Variants in GON7 observed in about 807,000 individuals in gnomAD.
GON7 encodes EKC/KEOPS complex subunit GON7.
In GON7, 2 loss-of-function variants were observed where a neutral mutation model predicts 7.6. That is an observed-to-expected ratio of 0.26 (90% CI 0.11 to 0.83). The LOEUF (loss-of-function observed/expected upper bound fraction) is 0.83. GON7 is among the 40% of genes least tolerant of loss of function. GON7 has a pLI of 0.65. For missense variants in GON7, 121 were observed against 132.2 expected (o/e 0.92, Z 0.42); for synonymous variants, 54 against 56.6 (o/e 0.95, Z 0.20).
In GON7 at chr14:93,203,350, C is replaced by G. The variant is rs1416974377; in HGVS notation, c.*338G>C. ...TGACATGTACTCTTTATAACAGAAC[C>G]AGAAGTTAAAAGATGTAGACATCAC... On this transcript the variant is annotated 3_prime_UTR_variant, in exon 2 of 2. Transcript: ENST00000306954. 4.4e-6 allele frequency: 1 copy of G among 227,076 alleles called. No individual in the cohort carries two copies. The highest frequency in any genetic ancestry group is 2.3e-5 in the African/African-American group (1 of 44,332). The allele number at this position is 227,076 out of a possible 1,614,324, so 14.1% of individuals were successfully genotyped here.
chr14:93,205,936 T>C (rs1476088092), intron 1 of GON7, among the ~76,000 whole-genome samples: 1 of 152,216 alleles, frequency 6.6e-6, no homozygotes, highest in Non-Finnish European at 1.5e-5. Context: ...AAAAGTCTTA[T>C]CCTTTCTGAA....
At chr14:93,205,103 T>C (rs145614795) in intron 1 of GON7, among the ~76,000 whole-genome samples, 2,432 of 152,352 alleles carry the variant, frequency 0.016, 27 homozygotes, top group South Asian at 0.054. Context: ...CTGGGTCATA[T>C]GGTAACTTCA....
In GON7 at chr14:93,207,024, C is replaced by T; in HGVS notation, c.14G>A (p.Gly5Glu). Residue 5 changes from glycine to glutamate, a missense_variant, in exon 1 of 2, where the codon GGA (glycine) becomes GAA (glutamate). Gly to Glu is a moderately conservative substitution (Grantham distance 98, BLOSUM62 -2). Transcript: ENST00000306954. MELL[G>E]EYVGQEGKPQ... ...CTTCCCTTCCTGCCCGACGTACTCT[C>T]CCAGCAGCTCCATGGTGACCGCTAA... 6.2e-7 allele frequency: 1 copy of T among 1,613,300 alleles called. No homozygotes were observed. The highest frequency in any genetic ancestry group is 1.1e-5 in the South Asian group (1 of 91,038).
At chr14:93,203,833 A>AAT (rs1310759816) in intron 1 of GON7, 51 bp from the exon 2 acceptor site, 12 of 1,410,660 alleles carry the variant, frequency 8.5e-6, no homozygotes, top group Non-Finnish European at 1.1e-5. Flanking sequence ...GGCTGAAAGA[A>AAT]ATATATATAG....
chr14:93,204,431 A>G (rs925538988), intron 1 of GON7, among the ~76,000 whole-genome samples: 7 of 152,130 alleles, frequency 4.6e-5, no homozygotes, highest in African/African-American at 1.7e-4. Context: ...CATTCCCCTC[A>G]GCCTTCGGCA....
At chr14:93,206,072 C>G (rs1894335662) in intron 1 of GON7, among the ~76,000 whole-genome samples, 1 of 152,030 alleles carries the variant, frequency 6.6e-6, no homozygotes, top group Admixed American at 6.6e-5. Flanking sequence ...GTGGCGCGAT[C>G]TCGGCTCACT....
In GON7 at chr14:93,206,878, C is replaced by T. The variant is rs2140094937; in HGVS notation, c.160G>A (p.Gly54Arg). 6.2e-7 allele frequency: 1 copy of T among 1,614,204 alleles called. No individual in the cohort carries two copies. The highest frequency in any genetic ancestry group is 1.1e-5 in the South Asian group (1 of 91,086). ...GCCGCCACCCGGTGCTGCACTTCCCCCTGTACCAGAGGGTCGAATAATTCC... is the reference window on the plus strand; with the variant it reads ...GCCGCCACCCGGTGCTGCACTTCCCTCTGTACCAGAGGGTCGAATAATTCC... ...VTELFDPLVQ[G>R]EVQHRVAAAP... Residue 54 changes from glycine to arginine, a missense_variant, in exon 1 of 2, where the codon GGG becomes AGG. Transcript: ENST00000306954.
Position 93,206,823 on chromosome 14 carries a change from A to G in GON7, c.208+7T>C. 6.2e-7 allele frequency: 1 copy of G among 1,612,708 alleles called. No individual in the cohort carries two copies. Among genetic ancestry groups the G allele is most frequent in the Middle Eastern group, 1.7e-4 (1 of 6,050 alleles). On this transcript the variant is annotated splice_region_variant and intron_variant, in intron 1 of 1. Coordinates refer to ENST00000306954, the MANE Select transcript of GON7 (RefSeq NM_032490.5). ...TCCGGTCACTGCAGCACCGTCTCAG[A>G]GCTCACCGTCCAAGTCCTCGTCTGG...
rs1894356548 is a variant in GON7 at position 93,206,864 on chromosome 14, G to A, written c.174C>T (p.His58=). 2 of 1,614,166 alleles carry A rather than the reference G, an allele frequency of 1.2e-6. No individual in the cohort carries two copies. The highest frequency in any genetic ancestry group is 1.7e-5 in the Admixed American group (1 of 60,038). Residue 58 remains histidine (H), a synonymous_variant, in exon 1 of 2, where the codon CAC becomes CAT. Coordinates refer to ENST00000306954, the MANE Select transcript of GON7 (RefSeq NM_032490.5). ...FDPLVQGEVQ[H]RVAAAPDEDL... is the part of the protein sequence containing the mutation. ...CCTCGTCTGGAGCCGCCGCCACCCG[G>A]TGCTGCACTTCCCCCTGTACCAGAG...
In GON7 at chr14:93,203,976, G is replaced by A. The variant is rs543483016; in HGVS notation, c.209-194C>T. On this transcript the variant is annotated intron_variant, in intron 1 of 1. Transcript: ENST00000306954. ...ATCACTTTCCTCTTTGGAAATATTAGTTCATTCACCATAAAATCCACTCTT... is the reference window on the plus strand; with the variant it reads ...ATCACTTTCCTCTTTGGAAATATTAATTCATTCACCATAAAATCCACTCTT... Among the ~76,000 whole-genome samples the A allele has an allele frequency of 2.6e-5, 4 of 152,106 alleles. No individual in the cohort carries two copies. The East Asian group carries it at 7.7e-4, about 29-fold the overall frequency.
chr14:93,206,266 C>A (rs949932633), intron 1 of GON7, among the ~76,000 whole-genome samples: 1 of 152,180 alleles, frequency 6.6e-6, no homozygotes, highest in Non-Finnish European at 1.5e-5. Context: ...GCCTCGGTCT[C>A]CCAAAGTGCA....
intron 1 of GON7, among the ~76,000 whole-genome samples, chr14:93,206,312 T>A (rs1894342873): frequency 6.6e-6 from 1 of 150,916 alleles, no homozygotes; most frequent in African/African-American, 2.4e-5. Flanking sequence ...CCGGACCACT[T>A]CCACTTTTAA....
At chr14:93,205,070 T>G (rs1894314052) in intron 1 of GON7, among the ~76,000 whole-genome samples, 1 of 152,230 alleles carries the variant, frequency 6.6e-6, no homozygotes, top group Non-Finnish European at 1.5e-5. Context: ...CCAGTTTTCT[T>G]GGGAGGACTA....
intron 1 of GON7, among the ~76,000 whole-genome samples, chr14:93,205,451 C>T (rs1345325911): frequency 7.9e-5 from 12 of 152,056 alleles, no homozygotes; most frequent in Admixed American, 5.2e-4. Context: ...GGGTGGATCA[C>T]GAGGTCAGGA....
intron 1 of GON7, among the ~76,000 whole-genome samples, chr14:93,204,979 ATTG>A (rs1894312526): frequency 2.6e-5 from 4 of 152,164 alleles, no homozygotes; most frequent in Admixed American, 2.0e-4. Flanking sequence ...AGCCCAGCCA[ATTG>A]TTGTTTCCAC....
At position 93,203,562 on chromosome 14, in the gene GON7, T is replaced by C; in HGVS notation, c.*126A>G. 1 of 703,286 alleles carries C rather than the reference T, an allele frequency of 1.4e-6. No individual in the cohort carries two copies. Among genetic ancestry groups the C allele is most frequent in the Non-Finnish European group, 2.3e-6 (1 of 432,316 alleles). 43.6% of individuals were successfully genotyped at this position (703,286 alleles called of 1,614,324 possible). Reference sequence around the variant, plus strand: ...GAAACAGAAAAACCAGTTTTCTCTTTGACAAAATTGTCCCAGGAGAACAAC... The same window carrying C: ...GAAACAGAAAAACCAGTTTTCTCTTCGACAAAATTGTCCCAGGAGAACAAC... On this transcript the variant is annotated 3_prime_UTR_variant, in exon 2 of 2. Transcript: ENST00000306954.
At chr14:93,204,398 T>C (rs545784980) in intron 1 of GON7, among the ~76,000 whole-genome samples, 1 of 152,330 alleles carries the variant, frequency 6.6e-6, no homozygotes, top group East Asian at 1.9e-4. Context: ...AGAGAAATGA[T>C]ATGCCCATTA....
At chr14:93,204,234 T>C (rs1894299626) in intron 1 of GON7, among the ~76,000 whole-genome samples, 1 of 152,140 alleles carries the variant, frequency 6.6e-6, no homozygotes, top group Non-Finnish European at 1.5e-5. Context: ...GACCTCGTGA[T>C]CCGCCCGCCT....
chr14:93,207,057 G>A lies in GON7; in HGVS notation c.-20C>T. 1 of 1,612,068 alleles carries A rather than the reference G, an allele frequency of 6.2e-7. No homozygotes were observed. Among genetic ancestry groups the A allele is most frequent in the Non-Finnish European group, 8.5e-7 (1 of 1,179,608 alleles). ...CTCCATGGTGACCGCTAAGCTTCCA[G>A]AACACGACACCGGGAAGCGCCACCC... On this transcript the variant is annotated 5_prime_UTR_variant, in exon 1 of 2. Transcript: ENST00000306954.
Sources: gnomAD v4.1 joint callset for allele counts (sites outside exome capture counted in the v4.1 genomes callset) on GRCh38, gnomAD v4.1.1 for gene constraint, MANE v1.5 for transcripts, NCBI Gene and HGNC (gene_info 2026-07-23, HGNC 2026-07-21) for gene names.